DNAJC10: variants seen among roughly 807,000 people sequenced by gnomAD.
The protein encoded by DNAJC10 is endoplasmic reticulum disulfide reductase DNAJC10.
DNAJC10 carries 101 observed loss-of-function variants against 115.0 expected under a neutral mutation model. The observed-to-expected ratio is 0.88, with a 90% CI of 0.75 to 1.04. DNAJC10 has a LOEUF of 1.04. DNAJC10 is among the 50% of genes least tolerant of loss of function. DNAJC10 has a pLI of 0.00. For synonymous variants in DNAJC10, 307 were observed against 301.5 expected (o/e 1.02, Z -0.19); for missense variants, 981 against 928.8 (o/e 1.06, Z -0.73).
At chr2:182,726,271 A>G (rs1558998135) in intron 5 of DNAJC10, among the ~76,000 whole-genome samples, 1 of 152,198 alleles carries the variant, frequency 6.6e-6, no homozygotes, top group Non-Finnish European at 1.5e-5. Context: ...CAATCTCATT[A>G]TAATGATCTC....
chr2:182,747,887 A>G (rs1693910710), intron 14 of DNAJC10, among the ~76,000 whole-genome samples: 2 of 151,570 alleles, frequency 1.3e-5, no homozygotes, highest in Non-Finnish European at 2.9e-5. Flanking sequence ...AGCTCTTATT[A>G]TTTTGAGATA....
At chr2:182,731,255 C>T (rs1399795430) in intron 9 of DNAJC10, 148 bp downstream of exon 9, 9 of 562,418 alleles carry the variant, frequency 1.6e-5, no homozygotes, top group Admixed American at 7.1e-5. Context: ...AATGAATATT[C>T]GCCTTTTTCA....
intron 21 of DNAJC10, among the ~76,000 whole-genome samples, chr2:182,761,044 T>G (rs1432412302): frequency 6.6e-6 from 1 of 151,930 alleles, no homozygotes; most frequent in East Asian, 1.9e-4. Context: ...AAGTACCAAA[T>G]GAAAAGCCAT....
chr2:182,745,882 T>TCCCCA (rs1263642220), intron 14 of DNAJC10, among the ~76,000 whole-genome samples: 7 of 152,076 alleles, frequency 4.6e-5, no homozygotes, highest in Non-Finnish European at 1.0e-4. Flanking sequence ...ATGCTATGTC[T>TCCCCA]CCCCACTCCC....
At chr2:182,737,322 T>C (rs1484645783) in intron 11 of DNAJC10, among the ~76,000 whole-genome samples, 1 of 152,212 alleles carries the variant, frequency 6.6e-6, no homozygotes, top group Admixed American at 6.5e-5. Context: ...GTTTTCCCTC[T>C]GTACTTTAAT....
intron 10 of DNAJC10, among the ~76,000 whole-genome samples, chr2:182,735,409 C>T (rs1693559083): frequency 1.3e-5 from 2 of 151,824 alleles, no homozygotes; most frequent in African/African-American, 4.8e-5. Flanking sequence ...CATATATATG[C>T]TCCCATGTAA....
At chr2:182,748,361 G>A (rs1463865178) in intron 14 of DNAJC10, among the ~76,000 whole-genome samples, 1 of 152,106 alleles carries the variant, frequency 6.6e-6, no homozygotes, top group East Asian at 1.9e-4. Context: ...ATCTGGTCCT[G>A]GACTCTTTTT....
rs1410616962 is a variant in DNAJC10, at chr2:182,792,869, A to G, written c.*15737A>G. ...TTAAGATAGTGTATTAAATGTATTGACCTCATGAAGATTCTATTCTCGCAG... is the reference window on the plus strand; with the variant it reads ...TTAAGATAGTGTATTAAATGTATTGGCCTCATGAAGATTCTATTCTCGCAG... On this transcript the variant is annotated 3_prime_UTR_variant, in exon 24 of 24. Coordinates refer to ENST00000264065, the MANE Select transcript of DNAJC10 (RefSeq NM_018981.4). The G allele has an allele frequency of 6.6e-6, 1 of 152,210 alleles. No individual in the cohort carries two copies. The highest frequency in any genetic ancestry group is 1.5e-5 in the Non-Finnish European group (1 of 68,048). 9.4% of individuals were successfully genotyped at this position (152,210 alleles called of 1,614,324 possible). A position where few individuals can be genotyped will look rare whatever the true frequency, so the allele number is the denominator to read the frequency against.
rs1341793177 is a variant in DNAJC10, at chr2:182,784,651, A to G, written c.*7519A>G. 6.6e-6 allele frequency: 1 copy of G among 152,230 alleles called. No homozygotes were observed. The highest frequency in any genetic ancestry group is 2.4e-5 in the African/African-American group (1 of 41,458). The allele number at this position is 152,230 out of a possible 1,614,324, so 9.4% of individuals were successfully genotyped here. ...AAAATTATAAATAATGATAAGTTTA[A>G]TTTGCAGCCCTTATAGCTTAGAGGC... On this transcript the variant is annotated 3_prime_UTR_variant, in exon 24 of 24. Coordinates refer to ENST00000264065, the MANE Select transcript of DNAJC10 (RefSeq NM_018981.4).
rs777620349 is a variant in DNAJC10, at chr2:182,792,660, G to A, written c.*15528G>A. The A allele has an allele frequency of 6.6e-6, 1 of 152,182 alleles. No individual in the cohort carries two copies. The highest frequency in any genetic ancestry group is 1.5e-5 in the Non-Finnish European group (1 of 68,034). 9.4% of individuals were successfully genotyped at this position (152,182 alleles called of 1,614,324 possible). On this transcript the variant is annotated 3_prime_UTR_variant, in exon 24 of 24. Transcript: ENST00000264065. Reference sequence around the variant, plus strand: ...TCAAACCAGTTTATCTGCAAGAGAAGTGTGTGAAGTTAGACTCAATTCTTC... The same window carrying A: ...TCAAACCAGTTTATCTGCAAGAGAAATGTGTGAAGTTAGACTCAATTCTTC...
chr2:182,727,159 A>AT (rs1354008393), intron 5 of DNAJC10, among the ~76,000 whole-genome samples: 1 of 151,032 alleles, frequency 6.6e-6, no homozygotes, highest in African/African-American at 2.5e-5. Flanking sequence ...TGACTCCTTT[A>AT]TAGTGATACT....
intron 20 of DNAJC10, 85 bp from the exon 21 acceptor site, chr2:182,759,075 C>A: frequency 8.0e-7 from 1 of 1,251,604 alleles, no homozygotes; most frequent in Non-Finnish European, 1.1e-6. Context: ...TCATTTTTAA[C>A]TTAGAAAGTA....
At chr2:182,736,004 A>G (rs974177478) in intron 10 of DNAJC10, among the ~76,000 whole-genome samples, 2 of 152,098 alleles carry the variant, frequency 1.3e-5, no homozygotes, top group African/African-American at 4.8e-5. Context: ...TAAAAAGTAG[A>G]TTTCTACTAT....
At position 182,769,214 on chromosome 2, in the gene DNAJC10, CCA is replaced by C. The variant is rs1192823319; in HGVS notation, c.2266-6101_2266-6100del. Reference sequence around the variant, plus strand: ...TGTATATGTGCCACATTTTCTTAATCCAGTCTATCATTGATGTACTTTTGCGG... The same window carrying C: ...TGTATATGTGCCACATTTTCTTAATCGTCTATCATTGATGTACTTTTGCGG... On this transcript the variant is annotated intron_variant, in intron 22 of 23. Coordinates refer to ENST00000264065, the MANE Select transcript of DNAJC10 (RefSeq NM_018981.4). Among the ~76,000 whole-genome samples the C allele has an allele frequency of 2.6e-5, 4 of 152,282 alleles. No homozygotes were observed. In the East Asian group the frequency reaches 7.7e-4, roughly 29 times the overall value.
At chr2:182,732,883 T>A (rs984802616) in intron 10 of DNAJC10, 1 of 258,676 alleles carries the variant, frequency 3.9e-6, no homozygotes, top group African/African-American at 2.3e-5. Flanking sequence ...TATATAGCTC[T>A]CATGTTATGG....
In DNAJC10 at chr2:182,736,397, C is replaced by T. The variant is rs1202005243; in HGVS notation, c.987+11C>T. The T allele has an allele frequency of 2.6e-6, 4 of 1,540,484 alleles. No individual in the cohort carries two copies. Among genetic ancestry groups the T allele is most frequent in the Non-Finnish European group, 2.6e-6 (3 of 1,147,878 alleles). ...AAAAACAGTATTTTGGTATGAATCA[C>T]TTTAAACTAATTTATTTACATATAA... On this transcript the variant is annotated intron_variant, in intron 11 of 23. Transcript: ENST00000264065.
rs1694975881 is a variant in DNAJC10 at position 182,787,812 on chromosome 2, T to G, written c.*10680T>G. 6.6e-6 allele frequency: 1 copy of G among 152,440 alleles called. No individual in the cohort carries two copies. Among genetic ancestry groups the G allele is most frequent in the Admixed American group, 6.5e-5 (1 of 15,268 alleles). The allele number at this position is 152,440 out of a possible 1,614,324, so 9.4% of individuals were successfully genotyped here. ...AGGGTATGCCTGTAGTCCCAGCTAC[T>G]TGGGAGGCTGAGGTGGGAGGACTGC... On this transcript the variant is annotated 3_prime_UTR_variant, in exon 24 of 24. Coordinates refer to ENST00000264065, the MANE Select transcript of DNAJC10 (RefSeq NM_018981.4).
chr2:182,750,075 A>T (rs1282433670), intron 14 of DNAJC10, among the ~76,000 whole-genome samples: 1 of 152,124 alleles, frequency 6.6e-6, no homozygotes, highest in African/African-American at 2.4e-5. Flanking sequence ...AGATGAAGAG[A>T]AGTAGATTTG....
chr2:182,770,405 C>T lies in DNAJC10; in HGVS notation c.2266-4911C>T, dbSNP rs189665639. Among the ~76,000 whole-genome samples, 912 of 152,198 alleles carry T rather than the reference C, an allele frequency of 6.0e-3. 10 individuals carry two copies. The highest frequency in any genetic ancestry group is 0.021 in the African/African-American group (855 of 41,536). ...AATTGAATCTATAAATTACTTTGGG[C>T]AGTATGGCCATTTTCACATTATTGA... is the stretch of plus-strand genomic sequence containing the variant. On this transcript the variant is annotated intron_variant, in intron 22 of 23. Transcript: ENST00000264065.
Sources: allele counts gnomAD v4.1 joint callset (sites outside exome capture counted in the v4.1 genomes callset), GRCh38; gene constraint gnomAD v4.1.1; transcripts MANE v1.5; gene names NCBI Gene and HGNC (gene_info 2026-07-23, HGNC 2026-07-21).